The following HS3ST3B1 variants were observed in gnomAD, a reference collection of about 807,000 sequenced individuals.
The protein encoded by HS3ST3B1 is heparan sulfate-glucosamine 3-sulfotransferase 3B1.
In HS3ST3B1, 13 loss-of-function variants were observed where a neutral mutation model predicts 21.3. The observed-to-expected ratio is 0.61, with a 90% CI of 0.40 to 0.97. The LOEUF (loss-of-function observed/expected upper bound fraction) is 0.97. Among genes scored for constraint, HS3ST3B1 ranks in the 50% least tolerant of loss-of-function variants. The probability of loss-of-function intolerance (pLI) is 0.00; values close to 1 mark genes in which losing one functional copy is unlikely to be tolerated. For synonymous variants in HS3ST3B1, 234 were observed against 254.8 expected (o/e 0.92, Z 0.78); for missense variants, 459 against 554.8 (o/e 0.83, Z 1.73).
Position 14,347,522 on chromosome 17 carries a change from A to T in HS3ST3B1, c.*1876A>T, listed in dbSNP as rs1010128074. The T allele has an allele frequency of 5.9e-5, 9 of 152,252 alleles. No individual in the cohort carries two copies. The highest frequency in any genetic ancestry group is 1.9e-4 in the African/African-American group (8 of 41,476). The allele number at this position is 152,252 out of a possible 1,614,324, so 9.4% of individuals were successfully genotyped here. A position where few individuals can be genotyped will look rare whatever the true frequency, so the allele number is the denominator to read the frequency against. On this transcript the variant is annotated 3_prime_UTR_variant, in exon 2 of 2. Coordinates refer to ENST00000360954, the MANE Select transcript of HS3ST3B1 (RefSeq NM_006041.3). ...ATTGTCAAAATGGTTGGGATGGGAT[A>T]GTTACAAAGGACACTTTTGTATGTT...
At chr17:14,309,550 G>A (rs1403784957) in intron 1 of HS3ST3B1, among the ~76,000 whole-genome samples, 1 of 151,948 alleles carries the variant, frequency 6.6e-6, no homozygotes, top group East Asian at 1.9e-4. Context: ...GGCGGGCTGA[G>A]CGGGCGCGCC....
At chr17:14,314,072 C>T (rs190368930) in intron 1 of HS3ST3B1, among the ~76,000 whole-genome samples, 55 of 152,086 alleles carry the variant, frequency 3.6e-4, no homozygotes, top group African/African-American at 1.1e-3. Context: ...CTCCGCCTCC[C>T]GGGTTCAAGC....
chr17:14,301,851 G>A lies in HS3ST3B1; in HGVS notation c.333G>A (p.Pro111=), dbSNP rs62636622. 1.6e-3 allele frequency: 2,620 copies of A among 1,595,602 alleles called. 42 individuals are homozygous for A. In the African/African-American group the frequency reaches 0.03, roughly 18 times the overall value. Residue 111 remains proline (P), a synonymous_variant, in exon 1 of 2, where the codon CCG becomes CCA. Coordinates refer to ENST00000360954, the MANE Select transcript of HS3ST3B1 (RefSeq NM_006041.3). ...GKEMAEGAAS[P]EEQSPEVPDS... is the part of the protein sequence containing the mutation. ...AGATGGCCGAGGGCGCTGCGAGCCCGGAGGAGCAGAGTCCCGAGGTGCCGG... is the reference window on the plus strand; with the variant it reads ...AGATGGCCGAGGGCGCTGCGAGCCCAGAGGAGCAGAGTCCCGAGGTGCCGG...
chr17:14,342,380 C>T (rs764719827), intron 1 of HS3ST3B1, among the ~76,000 whole-genome samples: 11 of 151,996 alleles, frequency 7.2e-5, no homozygotes, highest in African/African-American at 1.5e-4. Flanking sequence ...ATAAATTGTC[C>T]GACTTGTAAA....
intron 1 of HS3ST3B1, among the ~76,000 whole-genome samples, chr17:14,311,253 A>T (rs1347161835): frequency 1.3e-5 from 2 of 151,440 alleles, no homozygotes; most frequent in African/African-American, 2.4e-5. Context: ...AAAAAAAAAA[A>T]AAACTGTAGA....
At chr17:14,320,063 C>T (rs61142935) in intron 1 of HS3ST3B1, among the ~76,000 whole-genome samples, 1 of 152,154 alleles carries the variant, frequency 6.6e-6, no homozygotes, top group African/African-American at 2.4e-5. Flanking sequence ...GAGACGCCAG[C>T]GTGTGTGGGG....
At chr17:14,338,352 C>A (rs1910257855) in intron 1 of HS3ST3B1, among the ~76,000 whole-genome samples, 1 of 151,736 alleles carries the variant, frequency 6.6e-6, no homozygotes. Flanking sequence ...TCTCGATCTC[C>A]TGACCTTGTG....
Position 14,301,712 on chromosome 17 carries a change from G to A in HS3ST3B1, c.194G>A (p.Gly65Asp). 1.2e-6 allele frequency: 2 copies of A among 1,604,316 alleles called. No homozygotes were observed. Among genetic ancestry groups the A allele is most frequent in the East Asian group, 2.3e-5 (1 of 44,404 alleles). ...GCCGCGCCGGGGCTGCTGCTCCTGG[G>A]CTCTGGGTCCCGCGCCGCACACGAC... ...CAAAPGLLLL[G>D]SGSRAAHDPP... is the part of the protein sequence containing the mutation. Residue 65 changes from glycine to aspartate, a missense_variant, in exon 1 of 2, where the codon GGC (glycine) becomes GAC (aspartate). Gly to Asp is a moderately conservative substitution (Grantham distance 94, BLOSUM62 -1). This residue lies in a region of HS3ST3B1 where 317 missense variants were observed against 278.6 expected (regional missense o/e 1.14). Transcript: ENST00000360954.
intron 1 of HS3ST3B1, among the ~76,000 whole-genome samples, chr17:14,312,584 C>T (rs986919821): frequency 4.6e-5 from 7 of 152,146 alleles, no homozygotes; most frequent in Middle Eastern, 3.2e-3. Context: ...CCATGCCATC[C>T]GTGTGCCAAC....
chr17:14,332,625 A>G (rs1301167139), intron 1 of HS3ST3B1, among the ~76,000 whole-genome samples: 1 of 151,898 alleles, frequency 6.6e-6, no homozygotes, highest in Non-Finnish European at 1.5e-5. Context: ...ATAAGCCCTC[A>G]GCTTCCATCC....
In HS3ST3B1 at chr17:14,302,782, C is replaced by G. The variant is rs551610423; in HGVS notation, c.554+710C>G. On this transcript the variant is annotated intron_variant, in intron 1 of 1. Transcript: ENST00000360954. ...TGCAACCGGCTGGAGCGGCGCGAGG[C>G]TTTGAAGGCGTCCGGGCCTCCGGGC... 2.8e-3 allele frequency among the ~76,000 whole-genome samples: 433 copies of G among 152,266 alleles called. 1 individual carries two copies. Among genetic ancestry groups the G allele is most frequent in the African/African-American group, 0.01 (418 of 41,570 alleles).
intron 1 of HS3ST3B1, among the ~76,000 whole-genome samples, chr17:14,334,086 T>C (rs1313940135): frequency 2.0e-5 from 3 of 151,954 alleles, no homozygotes; most frequent in Non-Finnish European, 2.9e-5. Flanking sequence ...TAAATATCGA[T>C]GGTGATCAGC....
At position 14,303,637 on chromosome 17, in the gene HS3ST3B1, G is replaced by A. The variant is rs1471728647; in HGVS notation, c.554+1565G>A. On this transcript the variant is annotated intron_variant, in intron 1 of 1. Coordinates refer to ENST00000360954, the MANE Select transcript of HS3ST3B1 (RefSeq NM_006041.3). This position sits in a 1 kb window ranked among gnomAD's most constrained non-coding sequence, Gnocchi z 5.7. ...GTGGGAATAATGCAGGTTCTGGGCA[G>A]GGATGGGAAGAGTGAATGCGCTGGT... 1.3e-5 allele frequency among the ~76,000 whole-genome samples: 2 copies of A among 152,184 alleles called. No homozygotes were observed. The highest frequency in any genetic ancestry group is 2.4e-5 in the African/African-American group (1 of 41,444).
At chr17:14,316,924 G>C (rs1884342996) in intron 1 of HS3ST3B1, among the ~76,000 whole-genome samples, 1 of 152,212 alleles carries the variant, frequency 6.6e-6, no homozygotes, top group African/African-American at 2.4e-5. Context: ...AGCACTCTAA[G>C]CTTGCCATAG....
chr17:14,342,771 G>A (rs1482577709), intron 1 of HS3ST3B1, among the ~76,000 whole-genome samples: 1 of 152,120 alleles, frequency 6.6e-6, no homozygotes, highest in Non-Finnish European at 1.5e-5. Context: ...TTAAACCCAG[G>A]CAGTCTGACT....
chr17:14,329,367 A>AGGAAGGAAGG (rs1340394610), intron 1 of HS3ST3B1: 21 of 106,220 alleles, frequency 2.0e-4, no homozygotes, highest in African/African-American at 5.9e-4. Flanking sequence ...GAAAGAAAGA[A>AGGAAGGAAGG]AAGGAAGGAA....
At chr17:14,310,783 C>T (rs1172318832) in intron 1 of HS3ST3B1, among the ~76,000 whole-genome samples, 1 of 152,166 alleles carries the variant, frequency 6.6e-6, no homozygotes, top group Non-Finnish European at 1.5e-5. Flanking sequence ...CCCTGGTGCC[C>T]TCTTCTCTGA....
intron 1 of HS3ST3B1, among the ~76,000 whole-genome samples, chr17:14,336,416 G>C (rs1910187589): frequency 6.6e-6 from 1 of 152,130 alleles, no homozygotes; most frequent in Non-Finnish European, 1.5e-5. Context: ...AGAATTATAG[G>C]GCTTTTTAGA....
intron 1 of HS3ST3B1, chr17:14,328,997 C>T (rs1430170387): frequency 1.3e-5 from 2 of 152,070 alleles, no homozygotes; most frequent in Non-Finnish European, 1.5e-5. Flanking sequence ...TTTTTATTGA[C>T]TTAGTTACCT....
Sources: gnomAD v4.1 joint callset for allele counts (sites outside exome capture counted in the v4.1 genomes callset) on GRCh38, gnomAD v4.1.1 for gene constraint, gnomAD v4.1.1 regional missense constraint, Gnocchi (gnomAD v3.1) non-coding constraint, MANE v1.5 for transcripts, NCBI Gene and HGNC (gene_info 2026-07-23, HGNC 2026-07-21) for gene names.